Variants in CHN2 observed in about 807,000 individuals in gnomAD.
CHN2 encodes the protein chimerin 2, also known as beta-chimaerin.
A neutral mutation model predicts 56.3 loss-of-function variants in CHN2; 35 were observed. That is an observed-to-expected ratio of 0.62 (90% CI 0.47 to 0.82). The LOEUF (loss-of-function observed/expected upper bound fraction) is 0.82. Ranked by LOEUF, CHN2 falls within the 40% of genes least tolerant of loss-of-function variation. The pLI, the probability that CHN2 is intolerant of heterozygous loss-of-function variation, is 0.00. For synonymous variants in CHN2, 210 were observed against 212.8 expected, an observed-to-expected ratio of 0.99 and a Z score of 0.12; for missense variants, 491 against 580.5, an observed-to-expected ratio of 0.85 and a Z score of 1.58.
intron 6 of CHN2, among the ~76,000 whole-genome samples, chr7:29,412,340 TTTTTTTTTGG>T (rs1399603882): frequency 1.0e-5 from 1 of 96,896 alleles, no homozygotes; most frequent in African/African-American, 4.1e-5. Flanking sequence ...TTTTTTTTTT[TTTTTTTTTGG>T]GAGACGGAGT....
At chr7:29,169,375 C>A (rs1268533505) in intron 2 of CHN2, among the ~76,000 whole-genome samples, 1 of 152,022 alleles carries the variant, frequency 6.6e-6, no homozygotes, top group East Asian at 1.9e-4. Context: ...TTAACAATTC[C>A]ATTTTCATAC....
At position 29,495,856 on chromosome 7, in the gene CHN2, G is replaced by T. The variant is rs182221492; in HGVS notation, c.655-96G>T. 848 of 937,908 alleles carry T rather than the reference G, an allele frequency of 9.0e-4. 2 individuals carry two copies. Among genetic ancestry groups the T allele is most frequent in the Non-Finnish European group, 1.3e-3 (774 of 590,144 alleles). The allele number at this position is 937,908 out of a possible 1,614,324, so 58.1% of individuals were successfully genotyped here. On this transcript the variant is annotated intron_variant, in intron 7 of 12. Transcript: ENST00000222792. Reference sequence around the variant, plus strand: ...TTTACTGGAAGGAAAAGCCCAGTGGGGGATCGCTCCTGCTGATCTTCATTG... The same window carrying T: ...TTTACTGGAAGGAAAAGCCCAGTGGTGGATCGCTCCTGCTGATCTTCATTG...
intron 3 of CHN2, chr7:29,376,361 G>T (rs965244404): frequency 1.3e-5 from 2 of 152,190 alleles, no homozygotes; most frequent in African/African-American, 4.8e-5. Context: ...AAGCACAAGA[G>T]GGGCAAAGGC....
chr7:29,305,010 A>C (rs1468509758), intron 1 of CHN2, among the ~76,000 whole-genome samples: 1 of 152,212 alleles, frequency 6.6e-6, no homozygotes, highest in Non-Finnish European at 1.5e-5. Context: ...CCCCAAGGTC[A>C]GTTGGCATGG....
chr7:29,369,048 T>C (rs1799401656), intron 3 of CHN2, among the ~76,000 whole-genome samples: 1 of 152,208 alleles, frequency 6.6e-6, no homozygotes, highest in African/African-American at 2.4e-5. Context: ...TTCAATAATA[T>C]GTTATTTGTT....
intron 2 of CHN2, among the ~76,000 whole-genome samples, chr7:29,177,329 C>T (rs1339831584): frequency 6.6e-6 from 1 of 152,064 alleles, no homozygotes; most frequent in Non-Finnish European, 1.5e-5. Context: ...TCTCTGCTCA[C>T]TGCAACCTCT....
At chr7:29,223,305 T>A (rs567345731) in intron 1 of CHN2, among the ~76,000 whole-genome samples, 1 of 152,238 alleles carries the variant, frequency 6.6e-6, no homozygotes, top group East Asian at 1.9e-4. Flanking sequence ...TTCTTCCAAT[T>A]TTTGGCAGTG....
chr7:29,308,601 T>G (rs1276564130), intron 1 of CHN2, among the ~76,000 whole-genome samples: 1 of 152,150 alleles, frequency 6.6e-6, no homozygotes, highest in Non-Finnish European at 1.5e-5. Flanking sequence ...AGTCACCTGC[T>G]GAGGAGCAAG....
At chr7:29,241,641 C>G (rs1016195994) in intron 1 of CHN2, among the ~76,000 whole-genome samples, 2 of 152,064 alleles carry the variant, frequency 1.3e-5, no homozygotes, top group African/African-American at 2.4e-5. Flanking sequence ...GAGAGTCACA[C>G]TTTTCCTTAA....
At chr7:29,315,049 T>A (rs1367355525) in intron 1 of CHN2, among the ~76,000 whole-genome samples, 1 of 152,166 alleles carries the variant, frequency 6.6e-6, no homozygotes, top group African/African-American at 2.4e-5. Flanking sequence ...TATTCAATTA[T>A]GAAAATATTG....
intron 1 of CHN2, among the ~76,000 whole-genome samples, chr7:29,294,274 A>C (rs1160612116): frequency 6.6e-6 from 1 of 152,134 alleles, no homozygotes; most frequent in East Asian, 1.9e-4. Context: ...TGAATGAATG[A>C]ATATTCACGA....
chr7:29,469,055 C>A (rs1785811276), intron 6 of CHN2, among the ~76,000 whole-genome samples: 2 of 152,172 alleles, frequency 1.3e-5, no homozygotes, highest in Admixed American at 1.3e-4. Context: ...CTTGCTCCTC[C>A]TGGAGTCTTC....
rs560137528 is a variant in CHN2 at position 29,307,729 on chromosome 7, G to T, written c.50-46896G>T. 7.2e-5 allele frequency among the ~76,000 whole-genome samples: 11 copies of T among 152,076 alleles called. 1 individual carries two copies. The highest frequency in any genetic ancestry group is 2.0e-4 in the Admixed American group (3 of 15,270). On this transcript the variant is annotated intron_variant, in intron 1 of 12. Transcript: ENST00000222792. Reference sequence around the variant, plus strand: ...TGGACAAAATAGATTCTTCCTTAGCGTCTCCACCCAGCTGTTGAATTTGCC... The same window carrying T: ...TGGACAAAATAGATTCTTCCTTAGCTTCTCCACCCAGCTGTTGAATTTGCC...
At chr7:29,246,064 A>T (rs1258880142) in intron 1 of CHN2, among the ~76,000 whole-genome samples, 1 of 152,168 alleles carries the variant, frequency 6.6e-6, no homozygotes, top group African/African-American at 2.4e-5. Flanking sequence ...TCATTCAGCA[A>T]ACATCCATAG....
intron 3 of CHN2, among the ~76,000 whole-genome samples, chr7:29,377,170 T>C (rs949739886): frequency 2.0e-5 from 3 of 152,110 alleles, no homozygotes; most frequent in Non-Finnish European, 2.9e-5. Flanking sequence ...ATTACAGGCA[T>C]CTGCCACCAT....
At chr7:29,411,174 A>G (rs7783826) in intron 6 of CHN2, among the ~76,000 whole-genome samples, 8,031 of 152,204 alleles carry the variant, frequency 0.053, 271 homozygotes, top group South Asian at 0.088. Flanking sequence ...TGCAGGTGCA[A>G]TTCTGATATA....
At position 29,492,834 on chromosome 7, in the gene CHN2, C is replaced by G. The variant is rs1318459002; in HGVS notation, c.655-3118C>G. Among the ~76,000 whole-genome samples the G allele has an allele frequency of 2.6e-5, 4 of 152,304 alleles. No individual in the cohort carries two copies. The East Asian group carries it at 7.7e-4, about 29-fold the overall frequency. On this transcript the variant is annotated intron_variant, in intron 7 of 12. Transcript: ENST00000222792. ...CATGTATCTGAGTCAATATTTAGTA[C>G]TTATTTCATTGAACCTCTTATCAGC...
At chr7:29,409,015 T>A (rs1250597917) in intron 6 of CHN2, among the ~76,000 whole-genome samples, 1 of 152,082 alleles carries the variant, frequency 6.6e-6, no homozygotes, top group African/African-American at 2.4e-5. Flanking sequence ...GATGTGAAAA[T>A]GTGCAAGAAC....
chr7:29,343,388 C>T (rs1467155445), intron 1 of CHN2, among the ~76,000 whole-genome samples: 1 of 152,152 alleles, frequency 6.6e-6, no homozygotes, highest in Non-Finnish European at 1.5e-5. Context: ...TTTTCTTTCC[C>T]TCAACCCCTT....
Sources: allele counts gnomAD v4.1 joint callset (sites outside exome capture counted in the v4.1 genomes callset), GRCh38; gene constraint gnomAD v4.1.1; transcripts MANE v1.5; gene names NCBI Gene and HGNC (gene_info 2026-07-23, HGNC 2026-07-21).